GLIS3: variants seen among roughly 807,000 people sequenced by gnomAD.
GLIS3 encodes the protein GLIS family zinc finger 3.
A neutral mutation model predicts 78.6 loss-of-function variants in GLIS3; 53 were observed. The ratio of observed to expected loss-of-function variants is 0.67; its 90% CI spans 0.54 to 0.85. GLIS3 has a LOEUF of 0.85. Among genes scored for constraint, GLIS3 ranks in the 40% least tolerant of loss-of-function variants. GLIS3 has a pLI of 0.00. For synonymous variants in GLIS3, 684 were observed against 509.9 expected, an observed-to-expected ratio of 1.34 and a Z score of -4.60; for missense variants, 1,703 against 1,231.1, an observed-to-expected ratio of 1.38 and a Z score of -5.74.
At chr9:4,261,442 G>A (rs954217095) in intron 2 of GLIS3, among the ~76,000 whole-genome samples, 1 of 152,186 alleles carries the variant, frequency 6.6e-6, no homozygotes, top group African/African-American at 2.4e-5. Context: ...AGTATGAATG[G>A]AAACATGGAG....
intron 4 of GLIS3, among the ~76,000 whole-genome samples, chr9:4,061,016 G>C (rs1184343656): frequency 6.6e-6 from 1 of 151,558 alleles, no homozygotes; most frequent in Non-Finnish European, 1.5e-5. Context: ...CGTTCTTCTG[G>C]TTCAGTTACA....
chr9:3,925,918 T>A (rs1405023476), intron 6 of GLIS3, among the ~76,000 whole-genome samples: 2 of 152,224 alleles, frequency 1.3e-5, no homozygotes, highest in Non-Finnish European at 2.9e-5. Context: ...TACATCATGT[T>A]GCTTAGAGTT....
chr9:4,245,542 G>A (rs987145211), intron 2 of GLIS3, among the ~76,000 whole-genome samples: 1 of 152,238 alleles, frequency 6.6e-6, no homozygotes, highest in African/African-American at 2.4e-5. Context: ...CTATATAAAT[G>A]TAAGGATGTG....
chr9:4,374,238 G>C, the GLIS3 span, among the ~76,000 whole-genome samples: 1 of 152,302 alleles, frequency 6.6e-6, no homozygotes, highest in Admixed American at 6.5e-5. Flanking sequence ...GTTACAAAAT[G>C]AATTAGAACA....
chr9:3,845,496 A>T (rs538210317), intron 9 of GLIS3, among the ~76,000 whole-genome samples: 64 of 152,312 alleles, frequency 4.2e-4, no homozygotes, highest in Middle Eastern at 3.4e-3. Flanking sequence ...AGGGGACTTA[A>T]ACTATAAGTT....
chr9:4,327,985 A>G (rs908549042), intron 2 of GLIS3, among the ~76,000 whole-genome samples: 1 of 152,190 alleles, frequency 6.6e-6, no homozygotes, highest in East Asian at 1.9e-4. Flanking sequence ...TAGGAAGGCA[A>G]AAGCCTCCAC....
At chr9:4,384,246 G>A in the GLIS3 span, among the ~76,000 whole-genome samples, 1 of 152,102 alleles carries the variant, frequency 6.6e-6, no homozygotes, top group Non-Finnish European at 1.5e-5. Context: ...CCATCATGGA[G>A]GAATCTTTTG....
At chr9:4,019,568 G>A (rs1405608321) in intron 4 of GLIS3, among the ~76,000 whole-genome samples, 1 of 152,044 alleles carries the variant, frequency 6.6e-6, no homozygotes, top group Non-Finnish European at 1.5e-5. Context: ...GGAAAGGCAG[G>A]GGAAATCAAC....
intron 2 of GLIS3, among the ~76,000 whole-genome samples, chr9:4,240,187 G>C (rs1182451748): frequency 8.2e-5 from 2 of 24,378 alleles, no homozygotes; most frequent in East Asian, 8.5e-4. Flanking sequence ...CCACAGATGT[G>C]GGGGAGGTGG....
intron 3 of GLIS3, among the ~76,000 whole-genome samples, chr9:4,121,661 A>ACACC (rs879804022): frequency 5.8e-4 from 84 of 145,118 alleles, no homozygotes; most frequent in East Asian, 1.4e-3. Flanking sequence ...ACACACACAC[A>ACACC]CCCCAAAGTT....
chr9:4,015,620 G>C (rs1418520747), intron 4 of GLIS3, among the ~76,000 whole-genome samples: 2 of 152,122 alleles, frequency 1.3e-5, no homozygotes, highest in Non-Finnish European at 2.9e-5. Flanking sequence ...AAGTGTGGTG[G>C]CTCACGCCCG....
chr9:4,464,032 A>G, the GLIS3 span, among the ~76,000 whole-genome samples: 2 of 152,230 alleles, frequency 1.3e-5, no homozygotes, highest in Non-Finnish European at 2.9e-5. Flanking sequence ...AGTGGGTCCT[A>G]AAGTGTAGAA....
At chr9:4,054,459 TG>T (rs1225798728) in intron 4 of GLIS3, 46 of 985,300 alleles carry the variant, frequency 4.7e-5, no homozygotes, top group Non-Finnish European at 5.5e-5. Flanking sequence ...GGATGTGCTC[TG>T]GAGTGAATTC....
chr9:4,348,773 G>GAA (rs200302432), upstream of GLIS3, among the ~76,000 whole-genome samples: 2 of 147,044 alleles, frequency 1.4e-5, no homozygotes, highest in African/African-American at 5.0e-5. Flanking sequence ...GCTCCTAAGT[G>GAA]AAAAAAAAAC....
At chr9:3,944,651 G>T (rs898591601) in intron 4 of GLIS3, among the ~76,000 whole-genome samples, 6 of 152,160 alleles carry the variant, frequency 3.9e-5, no homozygotes, top group African/African-American at 1.2e-4. Flanking sequence ...ATACTTCAGG[G>T]GTTGACAGAC....
intron 4 of GLIS3, among the ~76,000 whole-genome samples, chr9:4,011,461 T>C (rs1037284784): frequency 1.3e-5 from 2 of 152,216 alleles, no homozygotes; most frequent in Non-Finnish European, 2.9e-5. Flanking sequence ...TAGGTCCTAT[T>C]AGCAAGGCCT....
At chr9:4,202,047 A>G (rs1819443231) in intron 2 of GLIS3, among the ~76,000 whole-genome samples, 1 of 152,150 alleles carries the variant, frequency 6.6e-6, no homozygotes, top group Non-Finnish European at 1.5e-5. Flanking sequence ...TTGAGGCAGG[A>G]AAACTGCTTG....
chr9:3,938,405 T>A (rs142499210), intron 4 of GLIS3, among the ~76,000 whole-genome samples: 1 of 152,330 alleles, frequency 6.6e-6, no homozygotes, highest in African/African-American at 2.4e-5. Flanking sequence ...AGAAATTGTA[T>A]AAAACTCTTT....
intron 9 of GLIS3, among the ~76,000 whole-genome samples, chr9:3,844,633 C>A (rs548250839): frequency 2.0e-4 from 31 of 152,288 alleles, no homozygotes; most frequent in African/African-American, 7.0e-4. Flanking sequence ...CTGGATATTT[C>A]TTTCTCATCA....
Sources: gnomAD v4.1 joint callset for allele counts (sites outside exome capture counted in the v4.1 genomes callset) on GRCh38, gnomAD v4.1.1 for gene constraint, MANE v1.5 for transcripts, NCBI Gene and HGNC (gene_info 2026-07-23, HGNC 2026-07-21) for gene names.